GPATCH1: variants seen among roughly 807,000 people sequenced by gnomAD.
GPATCH1 encodes G patch domain-containing protein 1.
GPATCH1 carries 73 observed loss-of-function variants against 114.9 expected under a neutral mutation model. That is an observed-to-expected ratio of 0.64 (90% confidence interval 0.53 to 0.77). The LOEUF is 0.77. Ranked by LOEUF, GPATCH1 falls within the 30% of genes least tolerant of loss-of-function variation. GPATCH1 has a pLI of 0.00. For missense variants in GPATCH1, 1,058 were observed against 1,144.3 expected, an observed-to-expected ratio of 0.92 and a Z score of 1.09; for synonymous variants, 391 against 428.4, an observed-to-expected ratio of 0.91 and a Z score of 1.08.
At chr19:33,118,089 T>A in intron 16 of GPATCH1, 48 bp downstream of exon 16, 1 of 1,233,942 alleles carries the variant, frequency 8.1e-7, no homozygotes, top group Non-Finnish European at 1.2e-6. Context: ...AGACAATGAC[T>A]CTAGGACAGC....
intron 10 of GPATCH1, among the ~76,000 whole-genome samples, chr19:33,108,770 C>G (rs529603319): frequency 1.8e-4 from 27 of 152,224 alleles, no homozygotes; most frequent in African/African-American, 6.0e-4. Flanking sequence ...AGTGTTTGTC[C>G]CATTGGTGAG....
chr19:33,100,586 CAAAAA>C (rs10609716), intron 8 of GPATCH1, among the ~76,000 whole-genome samples: 2 of 62,196 alleles, frequency 3.2e-5, no homozygotes, highest in Non-Finnish European at 3.2e-5. Flanking sequence ...GACTCCATCT[CAAAAA>C]AAAAAAAAAA....
intron 12 of GPATCH1, among the ~76,000 whole-genome samples, chr19:33,112,164 C>T (rs1270209948): frequency 1.3e-5 from 2 of 152,040 alleles, no homozygotes; most frequent in Non-Finnish European, 2.9e-5. Flanking sequence ...TGGGGTTTCA[C>T]CATATTGGCC....
chr19:33,107,532 A>C (rs1188458140), intron 10 of GPATCH1, among the ~76,000 whole-genome samples: 1 of 152,140 alleles, frequency 6.6e-6, no homozygotes, highest in East Asian at 1.9e-4. Context: ...CGCATTGTGT[A>C]ACTCTTCTCC....
chr19:33,104,617 C>T (rs1344777723), intron 9 of GPATCH1, among the ~76,000 whole-genome samples: 1 of 152,102 alleles, frequency 6.6e-6, no homozygotes, highest in Non-Finnish European at 1.5e-5. Context: ...GCTTGGGGAA[C>T]TCCAGTTATA....
chr19:33,118,954 C>A, intron 16 of GPATCH1, 56 bp from the exon 17 acceptor site: 1 of 1,033,100 alleles, frequency 9.7e-7, no homozygotes, highest in Admixed American at 2.1e-5. Flanking sequence ...GAATGAAAGA[C>A]TCAGAGACAT....
intron 9 of GPATCH1, among the ~76,000 whole-genome samples, chr19:33,104,999 C>G (rs911187903): frequency 1.3e-5 from 2 of 152,032 alleles, no homozygotes; most frequent in Admixed American, 6.6e-5. Context: ...GTTAAAAATC[C>G]CCAAATTTCC....
At chr19:33,090,365 ACACTTGATCTTAGC>A (rs1423294197) in intron 2 of GPATCH1, among the ~76,000 whole-genome samples, 1 of 152,110 alleles carries the variant, frequency 6.6e-6, no homozygotes, top group Non-Finnish European at 1.5e-5. Context: ...TCATATCTTT[ACACTTGATCTTAGC>A]CAAAAGGCCT....
intron 9 of GPATCH1, among the ~76,000 whole-genome samples, chr19:33,105,783 C>G (rs774206406): frequency 2.6e-4 from 39 of 151,936 alleles, no homozygotes; most frequent in Admixed American, 5.2e-4. Context: ...CTTGTCCTCC[C>G]AAAGTGCTGG....
At chr19:33,093,195 A>G in intron 3 of GPATCH1, among the ~76,000 whole-genome samples, 164 bp from the exon 4 acceptor site, 1 of 152,236 alleles carries the variant, frequency 6.6e-6, no homozygotes. Flanking sequence ...TCTCAAAAAA[A>G]TAAATAAATA....
chr19:33,084,174 C>T (rs766670671), intron 1 of GPATCH1, among the ~76,000 whole-genome samples: 2 of 152,176 alleles, frequency 1.3e-5, no homozygotes, highest in Non-Finnish European at 2.9e-5. Context: ...ACACACTAGA[C>T]TAATAATTAT....
At chr19:33,091,929 G>T (rs1181267851) in intron 3 of GPATCH1, among the ~76,000 whole-genome samples, 1 of 152,146 alleles carries the variant, frequency 6.6e-6, no homozygotes, top group Non-Finnish European at 1.5e-5. Flanking sequence ...TCAGTCTTCT[G>T]TTGGCAGCTT....
chr19:33,118,041 G>A lies in GPATCH1; in HGVS notation c.2413G>A (p.Ala805Thr), dbSNP rs202188014. The A allele has an allele frequency of 5.6e-6, 9 of 1,608,132 alleles. No individual in the cohort carries two copies. In the East Asian group the frequency reaches 1.8e-4, roughly 32 times the overall value. ...DLGETSSVAHALVPAPQEPPP... is the reference protein window; with the variant it reads ...DLGETSSVAHTLVPAPQEPPP... ...GGGGGAAACATCATCTGTGGCTCAC[G>A]GTATGTCAGTATTTCAGACTCGGGG... Residue 805 changes from alanine to threonine, a missense_variant and splice_region_variant, in exon 16 of 20, where the codon GCT (alanine) becomes ACT (threonine). Physicochemically the swap from Ala to Thr is moderately conservative, Grantham distance 58 (BLOSUM62 0). Coordinates refer to ENST00000170564, the MANE Select transcript of GPATCH1 (RefSeq NM_018025.3).
intron 3 of GPATCH1, among the ~76,000 whole-genome samples, chr19:33,092,427 T>C (rs1972606957): frequency 6.6e-6 from 1 of 152,138 alleles, no homozygotes; most frequent in South Asian, 2.1e-4. Context: ...TTGCACAAAT[T>C]GTTTTACATG....
At chr19:33,109,265 C>T (rs1173905778) in intron 10 of GPATCH1, among the ~76,000 whole-genome samples, 2 of 152,100 alleles carry the variant, frequency 1.3e-5, no homozygotes, top group Non-Finnish European at 2.9e-5. Flanking sequence ...GCCTGTAATC[C>T]CAGCACTTTG....
Position 33,117,864 on chromosome 19 carries a change from G to T in GPATCH1, c.2236G>T (p.Gly746Trp). 6.2e-7 allele frequency: 1 copy of T among 1,613,910 alleles called. No individual in the cohort carries two copies. Among genetic ancestry groups the T allele is most frequent in the Non-Finnish European group, 8.5e-7 (1 of 1,179,968 alleles). Residue 746 changes from glycine (G) to tryptophan (W), a missense_variant, in exon 16 of 20, where the codon GGG (glycine) becomes TGG (tryptophan). Physicochemically the swap from Gly to Trp is radical, Grantham distance 184. This residue lies in a region of GPATCH1 where 893 missense variants were observed against 977.4 expected (regional missense o/e 0.91). Transcript: ENST00000170564. The stretch of plus-strand genomic sequence containing the variant: ...TGTGGACGCACAGGCTGAAGGAGAA[G>T]GGAGCCGCCCATCCATGGACTTATT... Reference protein sequence around the residue: ...KDVDAQAEGEGSRPSMDLFRA... With the variant: ...KDVDAQAEGEWSRPSMDLFRA...
chr19:33,090,457 C>G (rs1049734407), intron 2 of GPATCH1, among the ~76,000 whole-genome samples: 1 of 152,172 alleles, frequency 6.6e-6, no homozygotes, highest in Admixed American at 6.6e-5. Context: ...TCACGTCCTG[C>G]ATTTTAAGGT....
At chr19:33,092,043 T>C (rs1334179195) in intron 3 of GPATCH1, among the ~76,000 whole-genome samples, 3 of 148,216 alleles carry the variant, frequency 2.0e-5, no homozygotes, top group African/African-American at 7.6e-5. Context: ...TGGTCCCTTT[T>C]CTTTTCTTTT....
At position 33,114,389 on chromosome 19, in the gene GPATCH1, A is replaced by T. The variant is rs1194047919; in HGVS notation, c.2166A>T (p.Glu722Asp). The T allele has an allele frequency of 1.9e-6, 3 of 1,607,864 alleles. No individual in the cohort carries two copies. In the Admixed American group the frequency reaches 5.2e-5, roughly 28 times the overall value. ...QQSSPLVNKE[E>D]EHAPELSANQ... ...CCAGCCCCTTAGTAAACAAAGAGGA[A>T]GAGCATGCACCAGAATTATCCGCAA... Residue 722 changes from glutamate to aspartate, a missense_variant, in exon 15 of 20, where the codon GAA (glutamate) becomes GAT (aspartate). Coordinates refer to ENST00000170564, the MANE Select transcript of GPATCH1 (RefSeq NM_018025.3).
Sources: allele counts gnomAD v4.1 joint callset (sites outside exome capture counted in the v4.1 genomes callset), GRCh38; gene constraint gnomAD v4.1.1; regional missense constraint gnomAD v4.1.1; transcripts MANE v1.5; gene names NCBI Gene and HGNC (gene_info 2026-07-23, HGNC 2026-07-21).